Variants in STK3 observed in about 807,000 individuals in gnomAD.
STK3 encodes serine/threonine kinase 3, also known as serine/threonine-protein kinase 3.
STK3 carries 41 observed loss-of-function variants against 58.0 expected under a neutral mutation model. The ratio of observed to expected loss-of-function variants is 0.71; its 90% confidence interval spans 0.55 to 0.92. STK3 has a LOEUF of 0.92. Among genes scored for constraint, STK3 ranks in the 40% least tolerant of loss-of-function variants. The pLI is 0.00. For missense variants in STK3, 479 were observed against 602.7 expected (o/e 0.79, Z 2.15); for synonymous variants, 170 against 191.0 (o/e 0.89, Z 0.91).
At position 98,729,235 on chromosome 8, in the gene STK3, C is replaced by T. The variant is rs184451775; in HGVS notation, c.351+20041G>A. On this transcript the variant is annotated intron_variant, in intron 4 of 10. Transcript: ENST00000419617. ...AAGTGATTCTCATGCCTCAGTCTCC[C>T]GGCAGCTAGGATTACAGGCGCATGC... 1.5e-3 allele frequency among the ~76,000 whole-genome samples: 231 copies of T among 152,190 alleles called. 1 individual carries two copies. The highest frequency in any genetic ancestry group is 2.6e-3 in the Non-Finnish European group (178 of 67,996).
chr8:98,936,231 T>C (rs1057209758), intron 1 of STK3, among the ~76,000 whole-genome samples: 19 of 152,306 alleles, frequency 1.2e-4, no homozygotes, highest in Admixed American at 4.6e-4. Flanking sequence ...ATCCATGTTA[T>C]TTAACCCTCA....
At chr8:98,617,894 A>G (rs1817900932) in intron 6 of STK3, among the ~76,000 whole-genome samples, 2 of 152,062 alleles carry the variant, frequency 1.3e-5, no homozygotes, top group Admixed American at 1.3e-4. Flanking sequence ...ACAAGGAGGA[A>G]CTAGTACCAT....
chr8:98,395,035 T>C (rs914093334), intron 3 of STK3, among the ~76,000 whole-genome samples: 1 of 152,208 alleles, frequency 6.6e-6, no homozygotes, highest in Non-Finnish European at 1.5e-5. Flanking sequence ...CACAGGGTGG[T>C]GGTGTCTCTG....
intron 1 of STK3, among the ~76,000 whole-genome samples, chr8:98,384,472 T>C (rs1198680010): frequency 6.6e-6 from 1 of 152,204 alleles, no homozygotes; most frequent in East Asian, 1.9e-4. Context: ...TGTTTAACAC[T>C]CCAAGAACCT....
intron 1 of STK3, among the ~76,000 whole-genome samples, chr8:98,897,035 G>T (rs996905118): frequency 2.0e-5 from 3 of 151,494 alleles, no homozygotes; most frequent in Non-Finnish European, 4.4e-5. Context: ...GAGAAAGAAA[G>T]AAATAAGAAA....
intron 6 of STK3, among the ~76,000 whole-genome samples, chr8:98,686,401 A>ATT (rs1824004289): frequency 6.6e-6 from 1 of 152,236 alleles, no homozygotes; most frequent in Non-Finnish European, 1.5e-5. Flanking sequence ...TATTAAATCA[A>ATT]AAATAATTTA....
chr8:98,797,863 T>TA (rs1288163686), intron 1 of STK3, among the ~76,000 whole-genome samples: 1 of 152,096 alleles, frequency 6.6e-6, no homozygotes, highest in Non-Finnish European at 1.5e-5. Context: ...ATAAGGGAGT[T>TA]AAAGATATTA....
At chr8:98,586,325 A>G (rs1236675698) in intron 7 of STK3, among the ~76,000 whole-genome samples, 1 of 152,130 alleles carries the variant, frequency 6.6e-6, no homozygotes, top group Non-Finnish European at 1.5e-5. Flanking sequence ...GAATTTTGTC[A>G]AAGGCCTTTT....
chr8:98,419,662 A>C (rs1392422058), intron 3 of STK3, among the ~76,000 whole-genome samples: 7 of 152,148 alleles, frequency 4.6e-5, no homozygotes, highest in Admixed American at 4.6e-4. Context: ...CCCTGTCTCC[A>C]CCTTGGGAGA....
At chr8:98,745,576 A>G (rs1319108707) in intron 4 of STK3, among the ~76,000 whole-genome samples, 1 of 152,212 alleles carries the variant, frequency 6.6e-6, no homozygotes, top group Non-Finnish European at 1.5e-5. Flanking sequence ...TTAAAAAAAG[A>G]AAAAAGAAGA....
At chr8:98,488,466 T>C (rs560031861) in intron 10 of STK3, among the ~76,000 whole-genome samples, 1 of 152,132 alleles carries the variant, frequency 6.6e-6, no homozygotes, top group South Asian at 2.1e-4. Flanking sequence ...GTTACTAGGG[T>C]AGGGTAGGGA....
At chr8:98,801,377 G>A (rs764186095) in intron 1 of STK3, among the ~76,000 whole-genome samples, 3 of 152,060 alleles carry the variant, frequency 2.0e-5, no homozygotes, top group Non-Finnish European at 2.9e-5. Flanking sequence ...TAACCCGCTC[G>A]GTCCCCTTCC....
At chr8:98,462,658 A>G (rs946621667) in intron 10 of STK3, among the ~76,000 whole-genome samples, 1 of 152,240 alleles carries the variant, frequency 6.6e-6, no homozygotes, top group South Asian at 2.1e-4. Context: ...ACTCACTGAC[A>G]TATTTATTGA....
chr8:98,849,788 ATTATTTTTAC>A (rs1413867311), intron 3 of STK3, among the ~76,000 whole-genome samples: 1 of 151,940 alleles, frequency 6.6e-6, no homozygotes, highest in Non-Finnish European at 1.5e-5. Context: ...GGGGGTGGGG[ATTATTTTTAC>A]TCCTTGTTCA....
At chr8:98,653,587 A>G (rs1053384821) in intron 6 of STK3, among the ~76,000 whole-genome samples, 4 of 152,216 alleles carry the variant, frequency 2.6e-5, no homozygotes, top group Non-Finnish European at 5.9e-5. Flanking sequence ...GACCACTAGC[A>G]AGACTAATAA....
At chr8:98,818,808 G>A (rs549485645) in intron 1 of STK3, among the ~76,000 whole-genome samples, 33 of 152,028 alleles carry the variant, frequency 2.2e-4, no homozygotes, top group African/African-American at 7.2e-4. Context: ...TTCACGGTAT[G>A]TATGCAAACA....
At chr8:98,500,023 A>G (rs1330226929) in intron 10 of STK3, among the ~76,000 whole-genome samples, 1 of 152,148 alleles carries the variant, frequency 6.6e-6, no homozygotes, top group African/African-American at 2.4e-5. Flanking sequence ...GCTACCTCAT[A>G]TGGCAAAGAC....
intron 6 of STK3, among the ~76,000 whole-genome samples, chr8:98,666,066 T>C (rs1822337290): frequency 6.6e-6 from 1 of 152,114 alleles, no homozygotes; most frequent in Admixed American, 6.6e-5. Flanking sequence ...TGATGGACAC[T>C]GTCAAGAAGT....
chr8:98,684,794 T>C lies in STK3; in HGVS notation c.684+21673A>G, dbSNP rs534572426. Among the ~76,000 whole-genome samples, 11 of 152,292 alleles carry C rather than the reference T, an allele frequency of 7.2e-5. No individual in the cohort carries two copies. The East Asian group carries it at 1.9e-3, about 27-fold the overall frequency. On this transcript the variant is annotated intron_variant, in intron 6 of 10. Coordinates refer to ENST00000419617, the MANE Select transcript of STK3 (RefSeq NM_006281.4). ...ACCTGGTTCAGTAATTATTGCTCTA[T>C]AGATTCAAGTTGCAAATCATTACTG... is the stretch of plus-strand genomic sequence containing the variant.
Sources: gnomAD v4.1 joint callset for allele counts (sites outside exome capture counted in the v4.1 genomes callset) on GRCh38, gnomAD v4.1.1 for gene constraint, MANE v1.5 for transcripts, NCBI Gene and HGNC (gene_info 2026-07-23, HGNC 2026-07-21) for gene names.